Variants in GABRA4 observed in about 807,000 individuals in gnomAD.
The protein encoded by GABRA4 is gamma-aminobutyric acid receptor subunit alpha-4.
GABRA4 carries 12 observed loss-of-function variants against 49.7 expected under a neutral mutation model. That is an observed-to-expected ratio of 0.24 (90% confidence interval 0.15 to 0.39). The LOEUF (loss-of-function observed/expected upper bound fraction) is 0.39, where lower values mean the gene tolerates loss of function less well. Ranked by LOEUF, GABRA4 falls within the 10% of genes least tolerant of loss-of-function variation. The probability of loss-of-function intolerance (pLI) is 1.00; values close to 1 mark genes in which losing one functional copy is unlikely to be tolerated. For missense variants in GABRA4, 506 were observed against 686.0 expected, an observed-to-expected ratio of 0.74 and a Z score of 2.93; for synonymous variants, 288 against 240.2, an observed-to-expected ratio of 1.20 and a Z score of -1.84.
At chr4:46,958,171 G>A (rs1037506717) in intron 8 of GABRA4, among the ~76,000 whole-genome samples, 3 of 151,802 alleles carry the variant, frequency 2.0e-5, no homozygotes, top group Non-Finnish European at 4.4e-5. Flanking sequence ...TTCGATATTA[G>A]GTTTACCATT....
In GABRA4 at chr4:46,926,729, A is replaced by T. The variant is rs6447517; in HGVS notation, c.*1496T>A. The T allele has an allele frequency of 0.38, 57,135 of 151,622 alleles. 11,082 individuals carry two copies. The highest frequency in any genetic ancestry group is 0.44 in the South Asian group (2,103 of 4,810). The allele number at this position is 151,622 out of a possible 1,614,324, so 9.4% of individuals were successfully genotyped here. A position where few individuals can be genotyped will look rare whatever the true frequency, so the allele number is the denominator to read the frequency against. On this transcript the variant is annotated 3_prime_UTR_variant, in exon 9 of 9. Coordinates refer to ENST00000264318, the MANE Select transcript of GABRA4 (RefSeq NM_000809.4). Reference sequence around the variant, plus strand: ...TCTAGAGGCAATATGACAAAAAACCATACTTAGATTCAGCTGCATAGACAG... The same window carrying T: ...TCTAGAGGCAATATGACAAAAAACCTTACTTAGATTCAGCTGCATAGACAG...
chr4:46,980,983 A>G (rs1010565209), intron 2 of GABRA4, among the ~76,000 whole-genome samples: 2 of 152,134 alleles, frequency 1.3e-5, no homozygotes, highest in African/African-American at 2.4e-5. Context: ...TTCTTGAGAA[A>G]TCAAAAGTTA....
intron 8 of GABRA4, 136 bp from the exon 9 acceptor site, chr4:46,928,891 T>C (rs1405136756): frequency 3.3e-6 from 2 of 606,568 alleles, no homozygotes; most frequent in Non-Finnish European, 5.6e-6. Context: ...GTCATCTTGA[T>C]TTTAAAAACC....
chr4:46,951,329 A>G (rs1483144436), intron 8 of GABRA4, among the ~76,000 whole-genome samples: 1 of 150,366 alleles, frequency 6.7e-6, no homozygotes, highest in African/African-American at 2.4e-5. Context: ...AATATTTTAC[A>G]AAGACTACAT....
At chr4:46,992,472 T>C (rs1326806758) in intron 2 of GABRA4, among the ~76,000 whole-genome samples, 1 of 152,152 alleles carries the variant, frequency 6.6e-6, no homozygotes, top group Non-Finnish European at 1.5e-5. Flanking sequence ...TGCAACCTGC[T>C]CTGAGCGAAG....
At position 46,974,339 on chromosome 4, in the gene GABRA4, G is replaced by A. The variant is rs778574043; in HGVS notation, c.614C>T (p.Thr205Ile). 6.2e-7 allele frequency: 1 copy of A among 1,611,426 alleles called. No individual in the cohort carries two copies. The highest frequency in any genetic ancestry group is 1.3e-5 in the African/African-American group (1 of 74,706). The change falls in exon 6 of 9, where the codon ACA becomes ATA. Residue 205 changes from threonine (T) to isoleucine (I), a missense_variant. By Grantham distance (89) the Thr-to-Ile change is moderately conservative (BLOSUM62 -1). Coordinates refer to ENST00000264318, the MANE Select transcript of GABRA4 (RefSeq NM_000809.4). ...YPKSEMIYTW[T>I]KGPEKSVEVP... Reference sequence around the variant, plus strand: ...TTCAACTGATTTCTCAGGACCTTTTGTCCAGGTATAGATCATCTCACTCTT... The same window carrying A: ...TTCAACTGATTTCTCAGGACCTTTTATCCAGGTATAGATCATCTCACTCTT...
intron 6 of GABRA4, 25 bp downstream of exon 6, chr4:46,974,207 C>A: frequency 6.3e-7 from 1 of 1,589,526 alleles, no homozygotes; most frequent in Non-Finnish European, 8.6e-7. Context: ...AGTAGCATGT[C>A]GGCTTTAATC....
rs12645893 is a variant in GABRA4, at chr4:46,921,641, G to C, written c.*6584C>G. On this transcript the variant is annotated 3_prime_UTR_variant, in exon 9 of 9. Coordinates refer to ENST00000264318, the MANE Select transcript of GABRA4 (RefSeq NM_000809.4). ...AAGGTAAAAGCCATGTAGCTCTGGT[G>C]GTCATATCAGTAAAAGATACTCTGG... 5 of 152,026 alleles carry C rather than the reference G, an allele frequency of 3.3e-5. No homozygotes were observed. In the East Asian group the frequency reaches 9.7e-4, roughly 29 times the overall value. 9.4% of individuals were successfully genotyped at this position (152,026 alleles called of 1,614,324 possible).
intron 8 of GABRA4, among the ~76,000 whole-genome samples, chr4:46,931,058 G>T (rs1413248772): frequency 6.6e-6 from 1 of 151,998 alleles, no homozygotes; most frequent in South Asian, 2.1e-4. Context: ...AGATAAGAAT[G>T]CTAAACAAAG....
chr4:46,978,925 G>A (rs1332928160), intron 3 of GABRA4, 106 bp downstream of exon 3: 3 of 748,170 alleles, frequency 4.0e-6, no homozygotes, highest in Non-Finnish European at 7.1e-6. Context: ...GGATTCTTTA[G>A]GTTTCTGGCT....
rs1721131894 is a variant in GABRA4, at chr4:46,924,221, T to C, written c.*4004A>G. On this transcript the variant is annotated 3_prime_UTR_variant, in exon 9 of 9. Transcript: ENST00000264318. ...AAGAAAATATTATTACTACTGATTC[T>C]ATTAATTTATTTAAAATTTGTATAT... 6.6e-6 allele frequency: 1 copy of C among 152,136 alleles called. No homozygotes were observed. Among genetic ancestry groups the C allele is most frequent in the Non-Finnish European group, 1.5e-5 (1 of 67,988 alleles). The allele number at this position is 152,136 out of a possible 1,614,324, so 9.4% of individuals were successfully genotyped here.
At chr4:46,980,209 CA>C (rs1723302603) in intron 2 of GABRA4, among the ~76,000 whole-genome samples, 1 of 151,930 alleles carries the variant, frequency 6.6e-6, no homozygotes, top group Non-Finnish European at 1.5e-5. Flanking sequence ...TCTAATACAA[CA>C]AAAATATAAA....
intron 8 of GABRA4, among the ~76,000 whole-genome samples, chr4:46,954,592 C>A (rs989922868): frequency 1.3e-5 from 2 of 151,100 alleles, no homozygotes; most frequent in Non-Finnish European, 2.9e-5. Flanking sequence ...AGCAAACTTG[C>A]ATTAGTTACA....
chr4:46,965,728 G>A (rs1473529882), intron 7 of GABRA4, among the ~76,000 whole-genome samples: 1 of 151,700 alleles, frequency 6.6e-6, no homozygotes, highest in Non-Finnish European at 1.5e-5. Flanking sequence ...AGTTAAGCAT[G>A]GCCCACTGCT....
chr4:46,956,967 A>T (rs762502541), intron 8 of GABRA4, among the ~76,000 whole-genome samples: 1 of 152,036 alleles, frequency 6.6e-6, no homozygotes, highest in African/African-American at 2.4e-5. Context: ...CAGCAATCAC[A>T]TAGGAAACAA....
intron 8 of GABRA4, among the ~76,000 whole-genome samples, chr4:46,962,860 G>T (rs960446659): frequency 6.6e-6 from 1 of 151,844 alleles, no homozygotes; most frequent in Non-Finnish European, 1.5e-5. Flanking sequence ...GCTGGAAAAA[G>T]ACGGTCCCTT....
chr4:46,924,141 T>A lies in GABRA4; in HGVS notation c.*4084A>T, dbSNP rs1721128641. 1 of 152,146 alleles carries A rather than the reference T, an allele frequency of 6.6e-6. No homozygotes were observed. Among genetic ancestry groups the A allele is most frequent in the Non-Finnish European group, 1.5e-5 (1 of 68,006 alleles). 9.4% of individuals were successfully genotyped at this position (152,146 alleles called of 1,614,324 possible). ...ATGTAATTAAGTTATGTGGATCTTTTATCCACCTCTATCTAGATCAGTGCT... is the reference window on the plus strand; with the variant it reads ...ATGTAATTAAGTTATGTGGATCTTTAATCCACCTCTATCTAGATCAGTGCT... On this transcript the variant is annotated 3_prime_UTR_variant, in exon 9 of 9. Transcript: ENST00000264318.
chr4:46,988,654 A>C (rs1723627850), intron 2 of GABRA4, among the ~76,000 whole-genome samples: 1 of 152,204 alleles, frequency 6.6e-6, no homozygotes, highest in South Asian at 2.1e-4. Context: ...TTACTATTTG[A>C]AAGTTGTTAA....
chr4:46,986,957 A>T (rs1723565558), intron 2 of GABRA4, among the ~76,000 whole-genome samples: 1 of 152,174 alleles, frequency 6.6e-6, no homozygotes, highest in Non-Finnish European at 1.5e-5. Context: ...CAGCTTGGTC[A>T]AAGTATCCAT....
Sources: allele counts gnomAD v4.1 joint callset (sites outside exome capture counted in the v4.1 genomes callset), GRCh38; gene constraint gnomAD v4.1.1; transcripts MANE v1.5; gene names NCBI Gene and HGNC (gene_info 2026-07-23, HGNC 2026-07-21).